GRHL1: variants seen among roughly 807,000 people sequenced by gnomAD.
GRHL1 encodes grainyhead like transcription factor 1.
A neutral mutation model predicts 75.7 loss-of-function variants in GRHL1; 38 were observed. That is an observed-to-expected ratio of 0.50 (90% CI 0.39 to 0.66). GRHL1 has a LOEUF of 0.66. Ranked by LOEUF, GRHL1 falls within the 30% of genes least tolerant of loss-of-function variation. The probability of loss-of-function intolerance (pLI) is 0.00; values close to 1 mark genes in which losing one functional copy is unlikely to be tolerated. For missense variants in GRHL1, 589 were observed against 767.5 expected, an observed-to-expected ratio of 0.77 and a Z score of 2.75; for synonymous variants, 266 against 279.4, an observed-to-expected ratio of 0.95 and a Z score of 0.48.
At chr2:9,995,587 A>AC (rs370594315) in intron 12 of GRHL1, among the ~76,000 whole-genome samples, 6 of 85,446 alleles carry the variant, frequency 7.0e-5, no homozygotes, top group African/African-American at 2.6e-4. Context: ...CCTGTCTCAC[A>AC]AAAAAAAAAA....
chr2:9,954,377 T>C (rs1440525171), intron 1 of GRHL1, among the ~76,000 whole-genome samples: 1 of 152,202 alleles, frequency 6.6e-6, no homozygotes, highest in Non-Finnish European at 1.5e-5. Flanking sequence ...CTTTCTCATA[T>C]ACCCTGGAGG....
chr2:9,973,490 T>A (rs1275853240), intron 8 of GRHL1, among the ~76,000 whole-genome samples: 1 of 152,228 alleles, frequency 6.6e-6, no homozygotes, highest in African/African-American at 2.4e-5. Context: ...TAATTCAACT[T>A]TGATTTGTTA....
intron 8 of GRHL1, among the ~76,000 whole-genome samples, chr2:9,981,799 G>A (rs1572370334): frequency 6.6e-6 from 1 of 152,172 alleles, no homozygotes; most frequent in African/African-American, 2.4e-5. Flanking sequence ...TGAGCCAGGC[G>A]TGAGACACAG....
intron 8 of GRHL1, among the ~76,000 whole-genome samples, chr2:9,979,866 A>C (rs1373483694): frequency 6.6e-6 from 1 of 152,250 alleles, no homozygotes; most frequent in Non-Finnish European, 1.5e-5. Flanking sequence ...ATGGACTCCA[A>C]GTGCTTTGTT....
In GRHL1 at chr2:9,990,985, C is replaced by A. The variant is rs1448048923; in HGVS notation, c.1321+238C>A. Among the ~76,000 whole-genome samples the A allele has an allele frequency of 6.6e-6, 1 of 152,122 alleles. No individual in the cohort carries two copies. The highest frequency in any genetic ancestry group is 2.1e-4 in the South Asian group (1 of 4,822). Reference sequence around the variant, plus strand: ...GATCCCTGGGTTTTCCCGACCTCAGCGTTTTTGGCTCTCAGTTCTAGTTCA... The same window carrying A: ...GATCCCTGGGTTTTCCCGACCTCAGAGTTTTTGGCTCTCAGTTCTAGTTCA... On this transcript the variant is annotated intron_variant, in intron 10 of 15. Transcript: ENST00000324907. This position sits in a 1 kb window ranked among gnomAD's most constrained non-coding sequence, Gnocchi z 4.2.
chr2:10,000,764 G>A lies in GRHL1; in HGVS notation c.*57G>A, dbSNP rs1669233970. On this transcript the variant is annotated 3_prime_UTR_variant, in exon 16 of 16. Transcript: ENST00000324907. ...AGTGCAGGTGTTTCTAGATCTTACGGTTTGGCAACTGCAGGTAACCCCAGT... is the reference window on the plus strand; with the variant it reads ...AGTGCAGGTGTTTCTAGATCTTACGATTTGGCAACTGCAGGTAACCCCAGT... 4 of 960,178 alleles carry A rather than the reference G, an allele frequency of 4.2e-6. No individual in the cohort carries two copies. Among genetic ancestry groups the A allele is most frequent in the South Asian group, 2.8e-5 (2 of 72,006 alleles). 59.5% of individuals were successfully genotyped at this position (960,178 alleles called of 1,614,324 possible). A position where few individuals can be genotyped will look rare whatever the true frequency, so the allele number is the denominator to read the frequency against.
At chr2:9,956,538 TG>T (rs1455897830) in intron 2 of GRHL1, among the ~76,000 whole-genome samples, 6 of 147,024 alleles carry the variant, frequency 4.1e-5, no homozygotes, top group African/African-American at 1.5e-4. Flanking sequence ...AAAAAAAAAA[TG>T]GGGTGATTAT....
Position 9,992,060 on chromosome 2 carries a change from GT to G in GRHL1, c.1379del (p.Phe460SerfsTer44). 1 of 1,612,818 alleles carries G rather than the reference GT, an allele frequency of 6.2e-7. No individual in the cohort carries two copies. The highest frequency in any genetic ancestry group is 8.5e-7 in the Non-Finnish European group (1 of 1,179,328). ...LPSHKRMDIT[V>X]FKPFIDLDTQ... ...CTCTCACAAGCGAATGGATATCACA[GT>G]TTTCAAACCCTTCATTGATCTCGAT... On this transcript the variant is annotated frameshift_variant, in exon 11 of 16. Coordinates refer to ENST00000324907, the MANE Select transcript of GRHL1 (RefSeq NM_198182.3). LOFTEE classifies it high-confidence loss of function. This position sits in a 1 kb window ranked among gnomAD's most constrained non-coding sequence, Gnocchi z 4.6.
chr2:9,964,450 A>G, intron 7 of GRHL1, 104 bp downstream of exon 7: 1 of 660,654 alleles, frequency 1.5e-6, no homozygotes, highest in African/African-American at 1.8e-5. Flanking sequence ...AAAGCATTTG[A>G]ATTTTTATGC....
intron 3 of GRHL1, 84 bp from the exon 4 acceptor site, chr2:9,960,962 A>T: frequency 1.9e-6 from 2 of 1,046,364 alleles, no homozygotes; most frequent in Non-Finnish European, 2.8e-6. Flanking sequence ...CACAGGACCC[A>T]ACAGCCCAAT....
In GRHL1 at chr2:9,979,151, CA is replaced by C. The variant is rs1227015836; in HGVS notation, c.1111-6957del. On this transcript the variant is annotated intron_variant, in intron 8 of 15. Transcript: ENST00000324907. ...TTCCAGCCTGGGCAAGACTCTCTCT[CA>C]AAAAAAAAAAAAAAAGGAAACCTTA... Among the ~76,000 whole-genome samples the C allele has an allele frequency of 8.9e-3, 539 of 60,370 alleles. 24 individuals are homozygous for C. The highest frequency in any genetic ancestry group is 0.033 in the African/African-American group (469 of 14,162). 39.6% of individuals were successfully genotyped at this position (60,370 alleles called of 152,430 possible).
rs550983279 is a variant in GRHL1, at chr2:9,968,232, C to T, written c.1110+2851C>T. Among the ~76,000 whole-genome samples the T allele has an allele frequency of 6.6e-6, 1 of 152,346 alleles. No homozygotes were observed. Among genetic ancestry groups the T allele is most frequent in the Admixed American group, 6.5e-5 (1 of 15,306 alleles). On this transcript the variant is annotated intron_variant, in intron 8 of 15. Transcript: ENST00000324907. The surrounding 1 kb of genome is among the most constrained non-coding windows in gnomAD (Gnocchi z 4.7). ...ACCTATCTTACACTGGCCCTGTGTG[C>T]ACTCCATTCATCACCATAAACATAT... is the stretch of plus-strand genomic sequence containing the variant.
chr2:9,966,179 C>G (rs932937452), intron 8 of GRHL1: 6 of 152,258 alleles, frequency 3.9e-5, no homozygotes, highest in African/African-American at 1.2e-4. Context: ...GGGTGGGTCA[C>G]TTGAGGCCAG....
At chr2:9,999,079 G>C in intron 15 of GRHL1, 50 bp downstream of exon 15, 1 of 949,548 alleles carries the variant, frequency 1.1e-6, no homozygotes, top group Non-Finnish European at 1.6e-6. Context: ...GATGCCCCCC[G>C]CAGTGCTAGT....
chr2:9,952,931 A>C (rs747393611), intron 1 of GRHL1: 95 of 442,880 alleles, frequency 2.1e-4, no homozygotes, highest in Non-Finnish European at 3.8e-4. Context: ...TTATTGCCTG[A>C]AACATATTTC....
rs920712993 is a variant in GRHL1, at chr2:9,968,283, G to A, written c.1110+2902G>A. 2.0e-5 allele frequency among the ~76,000 whole-genome samples: 3 copies of A among 152,196 alleles called. No homozygotes were observed. Among genetic ancestry groups the A allele is most frequent in the Non-Finnish European group, 4.4e-5 (3 of 68,030 alleles). ...GTCTGCCATTGTCATGGAAACTTTCGGAAGTTTTGGAACTTGTGAAAATTT... is the reference window on the plus strand; with the variant it reads ...GTCTGCCATTGTCATGGAAACTTTCAGAAGTTTTGGAACTTGTGAAAATTT... On this transcript the variant is annotated intron_variant, in intron 8 of 15. Transcript: ENST00000324907. This position sits in a 1 kb window ranked among gnomAD's most constrained non-coding sequence, Gnocchi z 4.7.
chr2:9,972,199 T>A (rs1434502543), intron 8 of GRHL1, among the ~76,000 whole-genome samples: 2 of 151,958 alleles, frequency 1.3e-5, no homozygotes, highest in Non-Finnish European at 2.9e-5. Flanking sequence ...TTTCTTTTTT[T>A]TTTTTTTTGG....
intron 14 of GRHL1, among the ~76,000 whole-genome samples, chr2:9,998,174 G>C (rs1284251463): frequency 6.6e-6 from 1 of 152,076 alleles, no homozygotes; most frequent in Non-Finnish European, 1.5e-5. Context: ...AGGATGGTCT[G>C]GATGACAAGT....
intron 2 of GRHL1, among the ~76,000 whole-genome samples, chr2:9,955,729 C>T (rs575679050): frequency 1.3e-5 from 2 of 152,362 alleles, no homozygotes; most frequent in East Asian, 3.9e-4. Flanking sequence ...TACCAGCCTG[C>T]GTGCGACTTC....
Sources: allele counts gnomAD v4.1 joint callset (sites outside exome capture counted in the v4.1 genomes callset), GRCh38; gene constraint gnomAD v4.1.1; non-coding constraint Gnocchi (gnomAD v3.1); transcripts MANE v1.5; gene names NCBI Gene and HGNC (gene_info 2026-07-23, HGNC 2026-07-21).